Variants in HSH2D observed in about 807,000 individuals in gnomAD.
HSH2D encodes the protein hematopoietic SH2 domain-containing protein.
A neutral mutation model predicts 21.5 loss-of-function variants in HSH2D; 16 were observed. That is an observed-to-expected ratio of 0.74 (90% confidence interval 0.50 to 1.13). HSH2D has a LOEUF of 1.13. Among genes scored for constraint, HSH2D ranks in the 50% most tolerant of loss-of-function variants. The pLI is 0.00. For missense variants in HSH2D, 418 were observed against 441.4 expected (o/e 0.95, Z 0.47); for synonymous variants, 172 against 184.7 (o/e 0.93, Z 0.56).
exon 1 of HSH2D, chr19:16,134,183 G>A (rs2090943797): frequency 6.6e-6 from 1 of 152,334 alleles, no homozygotes; most frequent in African/African-American, 2.4e-5. Flanking sequence ...TCCTCTCACA[G>A]TGGGGTCACA....
At chr19:16,156,940 T>C (rs1440551553) in intron 5 of HSH2D, among the ~76,000 whole-genome samples, 3 of 151,506 alleles carry the variant, frequency 2.0e-5, no homozygotes, top group Non-Finnish European at 4.4e-5. Context: ...GAGCCGAGAT[T>C]GTGCCACTGC....
At chr19:16,146,113 G>A (rs1010107356) in intron 1 of HSH2D, among the ~76,000 whole-genome samples, 3 of 151,738 alleles carry the variant, frequency 2.0e-5, no homozygotes, top group Non-Finnish European at 2.9e-5. Flanking sequence ...GTGAGCAAGA[G>A]GGGTCCTGAA....
In HSH2D at chr19:16,157,701, C is replaced by A; in HGVS notation, c.966C>A (p.Ser322=). 1 of 1,613,252 alleles carries A rather than the reference C, an allele frequency of 6.2e-7. No homozygotes were observed. The highest frequency in any genetic ancestry group is 8.5e-7 in the Non-Finnish European group (1 of 1,179,644). Residue 322 remains serine, a synonymous_variant, in exon 6 of 6, where the codon TCC becomes TCA. Coordinates refer to ENST00000613986, the MANE Select transcript of HSH2D (RefSeq NM_001382417.1). This position sits in a 1 kb window ranked among gnomAD's most constrained non-coding sequence, Gnocchi z 4.4. ...MVVRALSSQE[S]KPEHQGLAEP... is the part of the protein sequence containing the mutation. The stretch of plus-strand genomic sequence containing the variant: ...TGAGAGCCCTATCCTCCCAGGAGTC[C>A]AAGCCAGAGCACCAGGGCTTGGCAG...
rs536007579 is a variant in HSH2D, at chr19:16,151,749, A to G, written c.126-803A>G. Among the ~76,000 whole-genome samples the G allele has an allele frequency of 2.7e-5, 4 of 146,668 alleles. No individual in the cohort carries two copies. In the South Asian group the frequency reaches 8.7e-4, roughly 32 times the overall value. ...AACATCCCTAATCCCTGAATAGCCC[A>G]AGGTCTGCCACAGCTGAAAAAAAAA... is the stretch of plus-strand genomic sequence containing the variant. On this transcript the variant is annotated intron_variant, in intron 2 of 5. Coordinates refer to ENST00000613986, the MANE Select transcript of HSH2D (RefSeq NM_001382417.1).
intron 1 of HSH2D, 102 bp downstream of exon 1, chr19:16,143,876 G>A: frequency 3.7e-6 from 1 of 270,948 alleles, no homozygotes; most frequent in South Asian, 2.5e-5. Flanking sequence ...TGGCAGGAGG[G>A]ATTTTCTAGG....
chr19:16,143,276 G>T (rs895423277), upstream of HSH2D, among the ~76,000 whole-genome samples: 10 of 151,920 alleles, frequency 6.6e-5, no homozygotes, highest in Admixed American at 3.3e-4. Context: ...TAGAGACGGG[G>T]TTTTGCCATG....
upstream of HSH2D, among the ~76,000 whole-genome samples, chr19:16,142,451 T>C (rs79492589): frequency 6.6e-6 from 1 of 152,150 alleles, no homozygotes; most frequent in African/African-American, 2.4e-5. Flanking sequence ...TGTTTTGTTT[T>C]GTTTGGTTTT....
chr19:16,157,083 TG>T lies in HSH2D; in HGVS notation c.475-122del. On this transcript the variant is annotated intron_variant, in intron 5 of 5. Transcript: ENST00000613986. The surrounding 1 kb of genome is among the most constrained non-coding windows in gnomAD (Gnocchi z 4.4). ...GAAAGATGGGGCATGGGATCAGGTT[TG>T]GGGGTTCACACGGGGACGTTTCTCA... 1 of 684,588 alleles carries T rather than the reference TG, an allele frequency of 1.5e-6. No homozygotes were observed. The allele number at this position is 684,588 out of a possible 1,614,324, so 42.4% of individuals were successfully genotyped here. A position where few individuals can be genotyped will look rare whatever the true frequency, so the allele number is the denominator to read the frequency against.
upstream of HSH2D, chr19:16,143,636 C>T: frequency 2.6e-6 from 1 of 386,572 alleles, no homozygotes; most frequent in East Asian, 8.5e-5. Context: ...CCCCAGGGCT[C>T]ACCTGCTTGA....
chr19:16,151,735 T>A (rs1599422107), intron 2 of HSH2D, among the ~76,000 whole-genome samples: 2 of 110,972 alleles, frequency 1.8e-5, no homozygotes, highest in Admixed American at 2.4e-4. Flanking sequence ...ACATCCCTAA[T>A]CCCTGAATAG....
At chr19:16,147,777 C>T (rs967682328) in intron 1 of HSH2D, among the ~76,000 whole-genome samples, 3 of 151,764 alleles carry the variant, frequency 2.0e-5, no homozygotes, top group Non-Finnish European at 4.4e-5. Context: ...TCCCAAGTAG[C>T]TGTGATTATA....
chr19:16,147,732 G>A (rs1189577634), intron 1 of HSH2D, among the ~76,000 whole-genome samples: 3 of 146,750 alleles, frequency 2.0e-5, no homozygotes, highest in South Asian at 2.3e-4. Flanking sequence ...TGCAGCCTCC[G>A]CCTCCTGGGG....
At chr19:16,144,775 C>T (rs1313229363) in intron 1 of HSH2D, among the ~76,000 whole-genome samples, 5 of 144,836 alleles carry the variant, frequency 3.5e-5, no homozygotes, top group African/African-American at 1.3e-4. Flanking sequence ...TCACTGCAAG[C>T]TCTGCCTCCC....
chr19:16,136,986 T>G (rs985459855), intron 1 of HSH2D, among the ~76,000 whole-genome samples: 10 of 152,218 alleles, frequency 6.6e-5, no homozygotes, highest in Non-Finnish European at 1.2e-4. Context: ...GAGGGAACTC[T>G]TCTCTTTCTT....
intron 5 of HSH2D, chr19:16,155,678 T>G (rs959892031): frequency 6.7e-6 from 1 of 149,114 alleles, no homozygotes; most frequent in African/African-American, 2.5e-5. Flanking sequence ...TGGAGTGGAA[T>G]GGCACAGTCT....
chr19:16,142,500 G>A (rs550819145), upstream of HSH2D, among the ~76,000 whole-genome samples: 3 of 151,984 alleles, frequency 2.0e-5, no homozygotes, highest in African/African-American at 4.8e-5. Context: ...TTACACTCTC[G>A]CTGCCCAGGC....
Position 16,157,740 on chromosome 19 carries a change from C to A in HSH2D, c.1005C>A (p.Asp335Glu). 6.2e-7 allele frequency: 1 copy of A among 1,612,504 alleles called. No homozygotes were observed. The highest frequency in any genetic ancestry group is 8.5e-7 in the Non-Finnish European group (1 of 1,179,632). The change falls in exon 6 of 6, where the codon GAC (aspartate) becomes GAA (glutamate). Residue 335 changes from aspartate to glutamate, a missense_variant. By Grantham distance (45) the Asp-to-Glu change is conservative. Coordinates refer to ENST00000613986, the MANE Select transcript of HSH2D (RefSeq NM_001382417.1). The surrounding 1 kb of genome is among the most constrained non-coding windows in gnomAD (Gnocchi z 4.4). ...EHQGLAEPEN[D>E]QLPEEYQQPP... ...AGGGCTTGGCAGAGCCTGAGAACGA[C>A]CAGCTCCCGGAGGAGTACCAACAAC... is the stretch of plus-strand genomic sequence containing the variant.
chr19:16,151,399 A>G (rs2091148154), intron 2 of HSH2D: 2 of 345,672 alleles, frequency 5.8e-6, no homozygotes, highest in Admixed American at 3.6e-5. Context: ...AGCACTTACC[A>G]GGTAGCAGCT....
At chr19:16,142,556 C>T (rs1227342522), upstream of HSH2D, among the ~76,000 whole-genome samples, 8 of 152,158 alleles carry the variant, frequency 5.3e-5, no homozygotes, top group Admixed American at 3.9e-4. Flanking sequence ...CTCCACCTCC[C>T]GGGTTCAAGC....
Sources: allele counts gnomAD v4.1 joint callset (sites outside exome capture counted in the v4.1 genomes callset), GRCh38; gene constraint gnomAD v4.1.1; non-coding constraint Gnocchi (gnomAD v3.1); transcripts MANE v1.5; gene names NCBI Gene and HGNC (gene_info 2026-07-23, HGNC 2026-07-21).